The following PAM variants were observed in gnomAD, a reference collection of about 807,000 sequenced individuals.
PAM encodes the protein peptidylglycine alpha-amidating monooxygenase.
A neutral mutation model predicts 122.1 loss-of-function variants in PAM; 72 were observed. That is an observed-to-expected ratio of 0.59 (90% CI 0.49 to 0.72). PAM has a LOEUF of 0.72. Ranked by LOEUF, PAM falls within the 30% of genes least tolerant of loss-of-function variation. The pLI, the probability that PAM is intolerant of heterozygous loss-of-function variation, is 0.00. For missense variants in PAM, 1,106 were observed against 1,183.7 expected (o/e 0.93, Z 0.96); for synonymous variants, 389 against 404.4 (o/e 0.96, Z 0.46).
At chr5:102,867,206 T>C (rs1785882000) in intron 2 of PAM, 67 bp from the exon 3 acceptor site, 3 of 1,090,930 alleles carry the variant, frequency 2.7e-6, no homozygotes, top group Middle Eastern at 2.1e-4. Flanking sequence ...TTCCTTTCTT[T>C]CCCCTTCTCA....
rs1387326959 is a variant in PAM at position 102,946,838 on chromosome 5, T to A, written c.528T>A (p.Asp176Glu). 4 of 1,585,358 alleles carry A rather than the reference T, an allele frequency of 2.5e-6. No homozygotes were observed. In the Admixed American group the frequency reaches 6.7e-5, roughly 27 times the overall value. The change falls in exon 8 of 26, where the codon GAT becomes GAA. Residue 176 changes from aspartate (D) to glutamate (E), a missense_variant and splice_region_variant. Physicochemically the swap from Asp to Glu is conservative, Grantham distance 45 (BLOSUM62 2). Around this residue, in one of 3 missense-constraint regions of PAM, gnomAD observed 670 missense variants for 690.3 expected, o/e 0.97. Coordinates refer to ENST00000438793, the MANE Select transcript of PAM (RefSeq NM_001177306.2). ...ATGTGTTTCTATGTGTGTTTTCAGA[T>A]AATAACAAGGACTGTTCTGGTGTGT... ...VHYGDISAFR[D>E]NNKDCSGVSL...
intron 3 of PAM, among the ~76,000 whole-genome samples, chr5:102,888,704 A>G (rs1793892056): frequency 1.3e-5 from 2 of 151,790 alleles, no homozygotes; most frequent in African/African-American, 4.8e-5. Flanking sequence ...TGTTTATCTG[A>G]ATTCCTCCCT....
At chr5:102,970,703 C>G (rs1349072342) in intron 14 of PAM, among the ~76,000 whole-genome samples, 3 of 152,154 alleles carry the variant, frequency 2.0e-5, no homozygotes, top group Non-Finnish European at 4.4e-5. Flanking sequence ...GATACAGCCT[C>G]CTTTGGCAAA....
intron 4 of PAM, among the ~76,000 whole-genome samples, chr5:102,910,428 G>C (rs1801042974): frequency 6.6e-6 from 1 of 151,834 alleles, no homozygotes; most frequent in Non-Finnish European, 1.5e-5. Flanking sequence ...TTTAATTACT[G>C]TGTGTGAGTC....
intron 7 of PAM, among the ~76,000 whole-genome samples, chr5:102,939,214 T>C (rs1443720292): frequency 1.3e-5 from 2 of 152,166 alleles, no homozygotes; most frequent in African/African-American, 4.8e-5. Flanking sequence ...TTTCTCCCAA[T>C]AGAAACATTA....
intron 3 of PAM, among the ~76,000 whole-genome samples, chr5:102,886,680 T>C (rs60524977): frequency 0.067 from 10,180 of 152,136 alleles, 773 homozygotes; most frequent in East Asian, 0.18. Context: ...TTTTTATGTT[T>C]TAAATATCTT....
chr5:103,004,366 G>A (rs1446955483), intron 17 of PAM, among the ~76,000 whole-genome samples: 1 of 152,112 alleles, frequency 6.6e-6, no homozygotes, highest in Non-Finnish European at 1.5e-5. Flanking sequence ...ACATTCAGTT[G>A]TCAAAACAGG....
Position 102,950,039 on chromosome 5 carries a change from TA to T in PAM, c.801+66del, listed in dbSNP as rs1183319132. The T allele has an allele frequency of 2.3e-5, 20 of 859,730 alleles. No homozygotes were observed. In the East Asian group the frequency reaches 4.9e-4, roughly 21 times the overall value. The allele number at this position is 859,730 out of a possible 1,614,324, so 53.3% of individuals were successfully genotyped here. On this transcript the variant is annotated intron_variant, in intron 11 of 25. Coordinates refer to ENST00000438793, the MANE Select transcript of PAM (RefSeq NM_001177306.2). ...ATATTAACCAGCAGAAAGTAATTTT[TA>T]AAAATTATTATGCAACTCTTGTGAA...
intron 1 of PAM, among the ~76,000 whole-genome samples, chr5:102,859,897 C>T (rs1047559764): frequency 1.3e-5 from 2 of 152,064 alleles, no homozygotes; most frequent in Non-Finnish European, 2.9e-5. Flanking sequence ...GGTTTGTAGC[C>T]TAGGAGCAGT....
In PAM at chr5:102,767,018, A is replaced by G. The variant is rs545096575; in HGVS notation, c.-374+11670A>G. ...TTCTTCTTTTCTTTTCTTTGTCTGT[A>G]AAATCTAGTTCCTGCAGACCCTTTG... is the stretch of plus-strand genomic sequence containing the variant. On this transcript the variant is annotated intron_variant, in intron 1 of 25. Coordinates refer to ENST00000438793, the MANE Select transcript of PAM (RefSeq NM_001177306.2). 2.6e-5 allele frequency among the ~76,000 whole-genome samples: 3 copies of G among 117,224 alleles called. No individual in the cohort carries two copies. In the East Asian group the frequency reaches 7.7e-4, roughly 30 times the overall value. The allele number at this position is 117,224 out of a possible 152,430, so 76.9% of individuals were successfully genotyped here. A position where few individuals can be genotyped will look rare whatever the true frequency, so the allele number is the denominator to read the frequency against.
intron 1 of PAM, among the ~76,000 whole-genome samples, chr5:102,840,773 G>A (rs1778375051): frequency 6.6e-6 from 1 of 152,114 alleles, no homozygotes; most frequent in Admixed American, 6.5e-5. Flanking sequence ...CTTTTAGCCA[G>A]CAGGGTAGAG....
rs1562097755 is a variant in PAM, at chr5:102,974,435, A to G, written c.1482A>G (p.Gly494=). 1.9e-6 allele frequency: 3 copies of G among 1,603,000 alleles called. No homozygotes were observed. Among genetic ancestry groups the G allele is most frequent in the Non-Finnish European group, 2.6e-6 (3 of 1,172,462 alleles). Residue 494 remains glycine, a splice_region_variant and synonymous_variant, in exon 15 of 26, where the codon GGA becomes GGG. Transcript: ENST00000438793. ...GEGTWEPEHT[G]DFHMEEALDW... Reference sequence around the variant, plus strand: ...GCACCTGGGAACCAGAACACACAGGAGGTGCGTGTAGGGTTTCTTTTAAGC... The same window carrying G: ...GCACCTGGGAACCAGAACACACAGGGGGTGCGTGTAGGGTTTCTTTTAAGC...
At position 102,866,000 on chromosome 5, in the gene PAM, C is replaced by T. The variant is rs774624805; in HGVS notation, c.-196C>T. ...TCCCGCCTGCCCACGGCTTTTTGCC[C>T]GCCGCTCGTGACCGAGACGCCTCGC... On this transcript the variant is annotated 5_prime_UTR_variant, in exon 2 of 26. Coordinates refer to ENST00000438793, the MANE Select transcript of PAM (RefSeq NM_001177306.2). The T allele has an allele frequency of 8.8e-6, 4 of 454,460 alleles. No homozygotes were observed. The highest frequency in any genetic ancestry group is 1.5e-5 in the Non-Finnish European group (4 of 262,012). The allele number at this position is 454,460 out of a possible 1,614,324, so 28.2% of individuals were successfully genotyped here. A position where few individuals can be genotyped will look rare whatever the true frequency, so the allele number is the denominator to read the frequency against.
At chr5:102,947,966 A>G (rs1705233139) in intron 8 of PAM, among the ~76,000 whole-genome samples, 1 of 152,200 alleles carries the variant, frequency 6.6e-6, no homozygotes, top group African/African-American at 2.4e-5. Flanking sequence ...GGCAATTCAC[A>G]GGCAGAATCC....
intron 1 of PAM, among the ~76,000 whole-genome samples, chr5:102,814,123 G>A (rs1768839513): frequency 6.6e-6 from 1 of 152,188 alleles, no homozygotes; most frequent in African/African-American, 2.4e-5. Flanking sequence ...GGGTGCATGA[G>A]GGGATGGCAA....
chr5:102,888,087 A>G (rs1285142560), intron 3 of PAM, among the ~76,000 whole-genome samples: 3 of 152,056 alleles, frequency 2.0e-5, no homozygotes, highest in Admixed American at 6.6e-5. Context: ...ACTGCAGACT[A>G]TGGAGGGCAG....
intron 16 of PAM, 137 bp downstream of exon 16, chr5:102,990,538 C>T (rs1773747154): frequency 1.8e-6 from 1 of 554,784 alleles, no homozygotes; most frequent in African/African-American, 1.9e-5. Flanking sequence ...ATGTATTTGT[C>T]CTTTTAATGT....
At chr5:102,847,462 G>A (rs62362485) in intron 1 of PAM, among the ~76,000 whole-genome samples, 5,372 of 152,164 alleles carry the variant, frequency 0.035, 147 homozygotes, top group Non-Finnish European at 0.054. Context: ...TGCCAAGTAA[G>A]AAGACAACTT....
intron 1 of PAM, among the ~76,000 whole-genome samples, chr5:102,762,346 T>G (rs1428913481): frequency 6.6e-6 from 1 of 152,206 alleles, no homozygotes; most frequent in Admixed American, 6.5e-5. Context: ...TTTTCCCCAG[T>G]TTCATGCTGT....
Sources: allele counts gnomAD v4.1 joint callset (sites outside exome capture counted in the v4.1 genomes callset), GRCh38; gene constraint gnomAD v4.1.1; regional missense constraint gnomAD v4.1.1; transcripts MANE v1.5; gene names NCBI Gene and HGNC (gene_info 2026-07-23, HGNC 2026-07-21).